The following FAM227B variants were observed in gnomAD, a reference collection of about 807,000 sequenced individuals.
FAM227B encodes the protein protein FAM227B.
FAM227B carries 88 observed loss-of-function variants against 73.8 expected under a neutral mutation model. That is an observed-to-expected ratio of 1.19 (90% CI 1.00 to 1.42). The LOEUF (loss-of-function observed/expected upper bound fraction) is 1.42, where lower values mean the gene tolerates loss of function less well. Among genes scored for constraint, FAM227B ranks in the 40% most tolerant of loss-of-function variants. The pLI is 0.00. For missense variants in FAM227B, 632 were observed against 590.9 expected, an observed-to-expected ratio of 1.07 and a Z score of -0.72; for synonymous variants, 210 against 190.5, an observed-to-expected ratio of 1.10 and a Z score of -0.84.
chr15:49,506,900 G>C (rs1030478082), intron 11 of FAM227B, among the ~76,000 whole-genome samples: 3 of 151,978 alleles, frequency 2.0e-5, no homozygotes, highest in Non-Finnish European at 4.4e-5. Context: ...GTAGGTAAAG[G>C]ATATATGGGA....
chr15:49,391,518 C>G (rs1269608814), intron 11 of FAM227B, among the ~76,000 whole-genome samples: 1 of 152,124 alleles, frequency 6.6e-6, no homozygotes, highest in African/African-American at 2.4e-5. Context: ...CACAGTCACA[C>G]AGACTTCAGA....
Position 49,328,626 on chromosome 15 carries a change from G to GATGATC in FAM227B, c.1468_1469insGATCAT (p.Ser489_Ser490insTer). 1 of 1,584,982 alleles carries GATGATC rather than the reference G, an allele frequency of 6.3e-7. No homozygotes were observed. ...TGTTGATGATGGTGATGATGATGAT[G>GATGATC]ATGACGATAGTGATGCCACACATTC... On this transcript the variant is annotated stop_gained, in exon 16 of 16. Transcript: ENST00000299338. LOFTEE classifies it low-confidence loss of function (END_TRUNC).
chr15:49,547,038 C>T (rs1567544877), intron 9 of FAM227B, among the ~76,000 whole-genome samples: 2 of 152,094 alleles, frequency 1.3e-5, no homozygotes, highest in Admixed American at 6.5e-5. Context: ...AGAGAAAGGT[C>T]GGGTTACCCA....
At chr15:49,504,718 A>C (rs1383676282) in intron 11 of FAM227B, among the ~76,000 whole-genome samples, 1 of 152,098 alleles carries the variant, frequency 6.6e-6, no homozygotes, top group Non-Finnish European at 1.5e-5. Context: ...AAACTTCCTG[A>C]GGCCTTCCTA....
At chr15:49,444,888 T>G (rs1015698809) in intron 11 of FAM227B, among the ~76,000 whole-genome samples, 5 of 151,694 alleles carry the variant, frequency 3.3e-5, no homozygotes, top group Non-Finnish European at 7.4e-5. Flanking sequence ...TCTTTTTTTG[T>G]TTTTATCACA....
Position 49,577,546 on chromosome 15 carries a change from C to A in FAM227B, c.441+83G>T, listed in dbSNP as rs950992274. The A allele has an allele frequency of 3.7e-6, 3 of 816,110 alleles. No individual in the cohort carries two copies. The African/African-American group carries it at 5.2e-5, about 14-fold the overall frequency. 50.6% of individuals were successfully genotyped at this position (816,110 alleles called of 1,614,324 possible). ...TGGTACCTCTCTCTATATTTAGAGCCTTGTTTATATTGTTGTAAACATTAT... is the reference window on the plus strand; with the variant it reads ...TGGTACCTCTCTCTATATTTAGAGCATTGTTTATATTGTTGTAAACATTAT... On this transcript the variant is annotated intron_variant, in intron 6 of 15. Transcript: ENST00000299338.
At chr15:49,461,114 T>C (rs564049377) in intron 11 of FAM227B, among the ~76,000 whole-genome samples, 59 of 152,284 alleles carry the variant, frequency 3.9e-4, no homozygotes, top group African/African-American at 1.4e-3. Flanking sequence ...TAAATATCTC[T>C]TCCATCCTGA....
chr15:49,467,377 T>C (rs1287052798), intron 11 of FAM227B, among the ~76,000 whole-genome samples: 1 of 152,104 alleles, frequency 6.6e-6, no homozygotes, highest in Non-Finnish European at 1.5e-5. Context: ...AGAGAAGGTA[T>C]AGTCACTTAT....
chr15:49,509,762 A>G (rs943877747), intron 10 of FAM227B, among the ~76,000 whole-genome samples: 25 of 152,140 alleles, frequency 1.6e-4, no homozygotes, highest in African/African-American at 6.0e-4. Flanking sequence ...TTAAAAAACT[A>G]AACTCTAGTA....
At chr15:49,347,756 C>T (rs529477361) in intron 13 of FAM227B, among the ~76,000 whole-genome samples, 34 of 152,198 alleles carry the variant, frequency 2.2e-4, no homozygotes, top group Non-Finnish European at 4.0e-4. Flanking sequence ...TGGTGGCTCA[C>T]GCCAGTAATC....
At chr15:49,589,588 CAG>C (rs1193657801) in intron 4 of FAM227B, among the ~76,000 whole-genome samples, 186 bp downstream of exon 4, 4 of 140,022 alleles carry the variant, frequency 2.9e-5, no homozygotes, top group Admixed American at 1.4e-4. Flanking sequence ...CACACACACA[CAG>C]ACAACTGACC....
intron 13 of FAM227B, among the ~76,000 whole-genome samples, chr15:49,347,577 C>T (rs756999636): frequency 5.9e-5 from 9 of 151,992 alleles, no homozygotes; most frequent in Admixed American, 3.3e-4. Flanking sequence ...GCATACTGAA[C>T]GAGTATTCTT....
intron 5 of FAM227B, among the ~76,000 whole-genome samples, chr15:49,583,543 C>T (rs1413668111): frequency 6.6e-6 from 1 of 151,694 alleles, no homozygotes; most frequent in African/African-American, 2.4e-5. Flanking sequence ...TTTAGCATAT[C>T]ATCAAAAATA....
Position 49,590,021 on chromosome 15 carries a change from GAA to G in FAM227B, c.106-16_106-15del. On this transcript the variant is annotated splice_polypyrimidine_tract_variant and intron_variant, in intron 3 of 15. Coordinates refer to ENST00000299338, the MANE Select transcript of FAM227B (RefSeq NM_152647.3). ...TGGCCAATAATCCTGCAAAAAACGT[GAA>G]AGAGAGAATATAGCTTAAGTCATTT... The G allele has an allele frequency of 7.6e-7, 1 of 1,307,444 alleles. No individual in the cohort carries two copies. The highest frequency in any genetic ancestry group is 1.1e-6 in the Non-Finnish European group (1 of 904,708). 81.0% of individuals were successfully genotyped at this position (1,307,444 alleles called of 1,614,324 possible).
intron 10 of FAM227B, among the ~76,000 whole-genome samples, chr15:49,509,027 C>A (rs2058785736): frequency 6.6e-6 from 1 of 152,096 alleles, no homozygotes. Context: ...GGGGGAGAGT[C>A]TTTATTGTGC....
intron 11 of FAM227B, among the ~76,000 whole-genome samples, chr15:49,455,631 T>C (rs2053213089): frequency 6.6e-6 from 1 of 152,162 alleles, no homozygotes; most frequent in Non-Finnish European, 1.5e-5. Flanking sequence ...TTTAACAATT[T>C]TTAATCTAAT....
At chr15:49,394,079 A>T (rs539888468) in intron 11 of FAM227B, among the ~76,000 whole-genome samples, 1 of 152,258 alleles carries the variant, frequency 6.6e-6, no homozygotes, top group South Asian at 2.1e-4. Flanking sequence ...TGGTGATGAT[A>T]CTGATCTGTG....
intron 15 of FAM227B, chr15:49,328,918 T>G: frequency 8.2e-7 from 1 of 1,216,182 alleles, no homozygotes; most frequent in African/African-American, 1.5e-5. Context: ...AAAACTTAGA[T>G]AAAAAACACT....
chr15:49,415,815 G>C (rs934399943), intron 11 of FAM227B, among the ~76,000 whole-genome samples: 1 of 152,062 alleles, frequency 6.6e-6, no homozygotes, highest in Non-Finnish European at 1.5e-5. Flanking sequence ...TAAAATGTTA[G>C]GGCATTATGC....
Sources: gnomAD v4.1 joint callset for allele counts (sites outside exome capture counted in the v4.1 genomes callset) on GRCh38, gnomAD v4.1.1 for gene constraint, MANE v1.5 for transcripts, NCBI Gene and HGNC (gene_info 2026-07-23, HGNC 2026-07-21) for gene names.